Variants in CDYL observed in about 807,000 individuals in gnomAD.
CDYL encodes the protein chromodomain Y-like protein.
Under a neutral mutation model 47.3 loss-of-function variants are expected in CDYL, and 8 were observed. That is an observed-to-expected ratio of 0.17 (90% CI 0.10 to 0.31). The LOEUF is 0.31. Among genes scored for constraint, CDYL ranks in the 10% least tolerant of loss-of-function variants. The pLI, the probability that CDYL is intolerant of heterozygous loss-of-function variation, is 1.00. For synonymous variants in CDYL, 266 were observed against 265.0 expected, an observed-to-expected ratio of 1.00 and a Z score of -0.04; for missense variants, 471 against 701.4, an observed-to-expected ratio of 0.67 and a Z score of 3.71.
chr6:4,838,927 C>G (rs1365765526), intron 1 of CDYL, among the ~76,000 whole-genome samples: 1 of 152,142 alleles, frequency 6.6e-6, no homozygotes, highest in East Asian at 1.9e-4. Context: ...CCTCATGATC[C>G]TCCCGCCTCG....
intron 3 of CDYL, among the ~76,000 whole-genome samples, chr6:4,752,379 T>C (rs746049409): frequency 2.6e-5 from 4 of 152,194 alleles, no homozygotes; most frequent in Admixed American, 6.5e-5. Context: ...CATAGTTTCT[T>C]TCACCTGCTG....
intron 1 of CDYL, among the ~76,000 whole-genome samples, chr6:4,829,569 T>TA (rs1004437944): frequency 6.6e-6 from 1 of 152,200 alleles, no homozygotes; most frequent in Non-Finnish European, 1.5e-5. Context: ...TCTTTCCCCT[T>TA]ACACCCACAT....
chr6:4,950,111 AG>A (rs1278958990), intron 5 of CDYL, among the ~76,000 whole-genome samples: 1 of 152,150 alleles, frequency 6.6e-6, no homozygotes, highest in Non-Finnish European at 1.5e-5. Flanking sequence ...GAGTCAACAA[AG>A]GGGGGACGAA....
chr6:4,827,249 C>T (rs937447749), intron 1 of CDYL, among the ~76,000 whole-genome samples: 3 of 152,128 alleles, frequency 2.0e-5, no homozygotes, highest in Non-Finnish European at 2.9e-5. Context: ...TCCATTCTGC[C>T]AGTCTCTGCC....
At chr6:4,953,403 A>AT (rs917231622) in intron 6 of CDYL, among the ~76,000 whole-genome samples, 13 of 151,756 alleles carry the variant, frequency 8.6e-5, no homozygotes, top group Admixed American at 2.0e-4. Flanking sequence ...ACCACAAATA[A>AT]TTTTTTTTTA....
intron 1 of CDYL, among the ~76,000 whole-genome samples, chr6:4,887,687 C>G (rs1340833588): frequency 1.3e-5 from 2 of 152,052 alleles, no homozygotes; most frequent in African/African-American, 2.4e-5. Context: ...TGTTTCTTGT[C>G]TAGTCACTCA....
At chr6:4,803,979 CTTT>C (rs202116997) in intron 1 of CDYL, among the ~76,000 whole-genome samples, 3 of 133,174 alleles carry the variant, frequency 2.3e-5, no homozygotes, top group African/African-American at 2.8e-5. Context: ...GCGTAGCGTG[CTTT>C]TTTTTTTTTT....
chr6:4,749,181 T>G (rs1297613797), intron 3 of CDYL, among the ~76,000 whole-genome samples: 1 of 152,266 alleles, frequency 6.6e-6, no homozygotes, highest in African/African-American at 2.4e-5. Flanking sequence ...CATTTCATTG[T>G]GAAGGACTAA....
At chr6:4,721,253 CCTTCT>C (rs1483211316) in intron 2 of CDYL, among the ~76,000 whole-genome samples, 1 of 152,062 alleles carries the variant, frequency 6.6e-6, no homozygotes, top group African/African-American at 2.4e-5. Context: ...AGCACGTAGT[CCTTCT>C]CTTATTTCCT....
At chr6:4,907,881 C>A (rs1757287946) in intron 2 of CDYL, among the ~76,000 whole-genome samples, 1 of 152,150 alleles carries the variant, frequency 6.6e-6, no homozygotes. Flanking sequence ...TAGATGCTCT[C>A]CCTTGATCCT....
chr6:4,835,944 C>G (rs990689559), intron 1 of CDYL, among the ~76,000 whole-genome samples: 5 of 152,154 alleles, frequency 3.3e-5, no homozygotes, highest in Non-Finnish European at 7.3e-5. Context: ...GCGCAGTATT[C>G]GGGTGGGAGT....
intron 1 of CDYL, among the ~76,000 whole-genome samples, chr6:4,837,475 T>C (rs1760353569): frequency 6.6e-6 from 1 of 151,358 alleles, no homozygotes; most frequent in South Asian, 2.1e-4. Context: ...TGTTTTTTTT[T>C]TTTTTTGGAG....
intron 3 of CDYL, among the ~76,000 whole-genome samples, chr6:4,739,468 G>A (rs1315225542): frequency 6.3e-5 from 9 of 141,748 alleles, no homozygotes; most frequent in African/African-American, 1.0e-4. Flanking sequence ...GCAGTGAGCC[G>A]AGATCTCGCC....
intron 1 of CDYL, among the ~76,000 whole-genome samples, chr6:4,845,194 A>G (rs1463829485): frequency 6.6e-6 from 1 of 152,244 alleles, no homozygotes. Context: ...CAAAAGGTTC[A>G]AAAGCTGACT....
At chr6:4,915,679 G>C (rs1757537523) in intron 2 of CDYL, among the ~76,000 whole-genome samples, 1 of 152,160 alleles carries the variant, frequency 6.6e-6, no homozygotes, top group Non-Finnish European at 1.5e-5. Flanking sequence ...GGAAGCCAAA[G>C]TATTTTATCC....
chr6:4,756,134 C>G (rs376469856), intron 3 of CDYL, among the ~76,000 whole-genome samples: 1 of 152,176 alleles, frequency 6.6e-6, no homozygotes, highest in African/African-American at 2.4e-5. Flanking sequence ...CTGCTTTTAG[C>G]TCCTTGCACA....
chr6:4,745,472 C>CA (rs1757876462), intron 3 of CDYL, among the ~76,000 whole-genome samples: 1 of 152,068 alleles, frequency 6.6e-6, no homozygotes. Context: ...CTCGGTAGCT[C>CA]ACGCCTGTAA....
chr6:4,779,731 G>A (rs977311773), intron 1 of CDYL, among the ~76,000 whole-genome samples: 6 of 152,130 alleles, frequency 3.9e-5, no homozygotes, highest in African/African-American at 1.4e-4. Context: ...AAAAAGACAA[G>A]CGTCCTTTAC....
chr6:4,759,572 ATCT>A (rs1474448173), intron 3 of CDYL, among the ~76,000 whole-genome samples: 1 of 151,946 alleles, frequency 6.6e-6, no homozygotes, highest in Admixed American at 6.6e-5. Flanking sequence ...GAGCCCATTG[ATCT>A]TCTCATTTTA....
Sources: allele counts gnomAD v4.1 joint callset (sites outside exome capture counted in the v4.1 genomes callset), GRCh38; gene constraint gnomAD v4.1.1; transcripts MANE v1.5; gene names NCBI Gene and HGNC (gene_info 2026-07-23, HGNC 2026-07-21).